Variants in MAF observed in about 807,000 individuals in gnomAD.
MAF encodes the protein MAF bZIP transcription factor, also known as transcription factor Maf.
MAF carries 10 observed loss-of-function variants against 22.0 expected under a neutral mutation model. That is an observed-to-expected ratio of 0.45 (90% CI 0.28 to 0.77). MAF has a LOEUF of 0.77. Among genes scored for constraint, MAF ranks in the 30% least tolerant of loss-of-function variants. MAF has a pLI of 0.12. For missense variants in MAF, 544 were observed against 548.4 expected (o/e 0.99, Z 0.08); for synonymous variants, 337 against 255.8 (o/e 1.32, Z -3.03).
At chr16:79,361,706 A>G in the MAF span, among the ~76,000 whole-genome samples, 9 of 123,340 alleles carry the variant, frequency 7.3e-5, no homozygotes, top group Admixed American at 2.4e-4. Context: ...GTTGTTTTAT[A>G]TACAGATTTG....
chr16:79,509,819 G>A, the MAF span, among the ~76,000 whole-genome samples: 1 of 152,330 alleles, frequency 6.6e-6, no homozygotes. Flanking sequence ...GCTCTGATGA[G>A]CCTCTTCTTA....
At chr16:79,441,587 T>C in the MAF span, among the ~76,000 whole-genome samples, 13 of 152,230 alleles carry the variant, frequency 8.5e-5, no homozygotes, top group Non-Finnish European at 1.3e-4. Context: ...ATTATGCTTT[T>C]TGTTATTGTC....
At chr16:79,571,697 G>A in the MAF span, among the ~76,000 whole-genome samples, 1 of 152,066 alleles carries the variant, frequency 6.6e-6, no homozygotes, top group Non-Finnish European at 1.5e-5. Flanking sequence ...GTTCAGGCAG[G>A]ATAGATCTAC....
At chr16:79,218,148 C>G in the MAF span, among the ~76,000 whole-genome samples, 2 of 151,872 alleles carry the variant, frequency 1.3e-5, no homozygotes, top group Non-Finnish European at 2.9e-5. Context: ...AATCACTGAA[C>G]AAACAGCTCT....
chr16:79,572,148 G>A, the MAF span, among the ~76,000 whole-genome samples: 1 of 152,108 alleles, frequency 6.6e-6, no homozygotes, highest in African/African-American at 2.4e-5. Flanking sequence ...GGAGCAATTT[G>A]CTGGAGTCAA....
chr16:79,537,937 A>AC, the MAF span, among the ~76,000 whole-genome samples: 1 of 152,162 alleles, frequency 6.6e-6, no homozygotes, highest in Non-Finnish European at 1.5e-5. Context: ...ACCCCATTTC[A>AC]CAGACGCGTA....
At chr16:79,374,263 C>A in the MAF span, among the ~76,000 whole-genome samples, 1 of 152,154 alleles carries the variant, frequency 6.6e-6, no homozygotes, top group South Asian at 2.1e-4. Context: ...ATTAATGGTG[C>A]CATTTTCCTC....
chr16:79,555,080 C>T, the MAF span, among the ~76,000 whole-genome samples: 2,174 of 152,262 alleles, frequency 0.014, 23 homozygotes, highest in Admixed American at 0.026. Flanking sequence ...CCTGCTCCTC[C>T]CTCTGGCAGG....
the MAF span, among the ~76,000 whole-genome samples, chr16:79,357,951 G>C: frequency 0.038 from 5,834 of 152,292 alleles, 234 homozygotes; most frequent in African/African-American, 0.1. Flanking sequence ...AAGACACTTA[G>C]TTCAAGTACA....
At chr16:79,324,585 T>C in the MAF span, among the ~76,000 whole-genome samples, 1 of 151,788 alleles carries the variant, frequency 6.6e-6, no homozygotes, top group Admixed American at 6.6e-5. Context: ...GAATCGGAGG[T>C]CCAGGAAGGC....
At chr16:79,557,567 A>C in the MAF span, among the ~76,000 whole-genome samples, 2 of 152,080 alleles carry the variant, frequency 1.3e-5, no homozygotes, top group Non-Finnish European at 2.9e-5. Context: ...TGGGCGTGTT[A>C]CAGCCCTAAA....
At chr16:79,597,958 C>T (rs1913656804) in intron 1 of MAF, 1 of 1,041,770 alleles carries the variant, frequency 9.6e-7, no homozygotes. Context: ...ATCACAAGGC[C>T]AAAACTCACA....
At chr16:79,596,493 C>T (rs1913533200) in intron 1 of MAF, 2 of 1,048,840 alleles carry the variant, frequency 1.9e-6, no homozygotes, top group Admixed American at 5.5e-5. Flanking sequence ...AAAAAAATGC[C>T]GTTTATTATT....
the MAF span, among the ~76,000 whole-genome samples, chr16:79,370,272 T>C: frequency 1.3e-5 from 2 of 152,328 alleles, no homozygotes; most frequent in East Asian, 3.9e-4. Context: ...GGGTTGAGAC[T>C]GGAGGTTATC....
the MAF span, among the ~76,000 whole-genome samples, chr16:79,434,528 C>T: frequency 1.3e-5 from 2 of 152,000 alleles, no homozygotes; most frequent in East Asian, 1.9e-4. Flanking sequence ...CATTGGCTCA[C>T]TAGAGCCAGT....
At chr16:79,488,382 G>A in the MAF span, among the ~76,000 whole-genome samples, 5 of 152,274 alleles carry the variant, frequency 3.3e-5, no homozygotes, top group Admixed American at 6.5e-5. Context: ...GCTCTGGGGC[G>A]AGACTGCTTG....
At chr16:79,557,753 G>C in the MAF span, among the ~76,000 whole-genome samples, 1,712 of 152,160 alleles carry the variant, frequency 0.011, 53 homozygotes, top group African/African-American at 0.039. Flanking sequence ...CAACTCATAT[G>C]TGTTAAGTGC....
the MAF span, among the ~76,000 whole-genome samples, chr16:79,393,049 C>G: frequency 9.2e-5 from 14 of 152,240 alleles, no homozygotes; most frequent in African/African-American, 3.1e-4. Context: ...GGACCACTGT[C>G]TGGGCCCCAG....
intron 1 of MAF, chr16:79,597,133 C>T (rs1191804948): frequency 9.5e-7 from 1 of 1,057,810 alleles, no homozygotes; most frequent in Non-Finnish European, 1.1e-6. Context: ...TTTAAACAGT[C>T]CCCTTGCAAA....
Sources: gnomAD v4.1 joint callset for allele counts (sites outside exome capture counted in the v4.1 genomes callset) on GRCh38, gnomAD v4.1.1 for gene constraint, MANE v1.5 for transcripts, NCBI Gene and HGNC (gene_info 2026-07-23, HGNC 2026-07-21) for gene names.